Variants in MDGA2 observed in about 807,000 individuals in gnomAD.
MDGA2 encodes the protein MAM domain containing glycosylphosphatidylinositol anchor 2, also known as MAM domain-containing glycosylphosphatidylinositol anchor protein 2.
MDGA2 carries 40 observed loss-of-function variants against 117.8 expected under a neutral mutation model. The ratio of observed to expected loss-of-function variants is 0.34; its 90% confidence interval spans 0.26 to 0.44. The LOEUF (loss-of-function observed/expected upper bound fraction) is 0.44, where lower values mean the gene tolerates loss of function less well. Among genes scored for constraint, MDGA2 ranks in the 20% least tolerant of loss-of-function variants. The pLI is 1.00. For synonymous variants in MDGA2, 452 were observed against 439.0 expected, an observed-to-expected ratio of 1.03 and a Z score of -0.37; for missense variants, 1,123 against 1,250.6, an observed-to-expected ratio of 0.90 and a Z score of 1.54.
rs754861387 is a variant in MDGA2, at chr14:46,957,506, G to A, written c.1957C>T (p.Arg653Trp). ...YEWRLGNKLL[R>W]TGQFDSQEYT... ...TCCTGAGAGTCAAATTGACCCGTCC[G>A]TAATAATTTATTGCCCAAGCGCCAC... The change falls in exon 9 of 17, where the codon CGG becomes TGG. Residue 653 changes from arginine (R) to tryptophan (W), a missense_variant. Physicochemically the swap from Arg to Trp is moderately radical, Grantham distance 101. This residue lies in a region of MDGA2 where 890 missense variants were observed against 1,050.3 expected (regional missense o/e 0.85). Transcript: ENST00000399232. 56 of 1,613,948 alleles carry A rather than the reference G, an allele frequency of 3.5e-5. No individual in the cohort carries two copies. The highest frequency in any genetic ancestry group is 4.3e-5 in the Non-Finnish European group (51 of 1,180,020).
chr14:47,492,731 C>G (rs976332952), intron 1 of MDGA2, among the ~76,000 whole-genome samples: 1 of 152,052 alleles, frequency 6.6e-6, no homozygotes, highest in Non-Finnish European at 1.5e-5. Context: ...ATAGTTCAGT[C>G]TATAATATTA....
At chr14:47,472,552 G>A (rs943756249) in intron 1 of MDGA2, among the ~76,000 whole-genome samples, 3 of 152,150 alleles carry the variant, frequency 2.0e-5, no homozygotes, top group East Asian at 1.9e-4. Context: ...CTGCTTCCAC[G>A]ACAAGGTAAT....
chr14:47,564,187 T>C (rs764069559), intron 1 of MDGA2, among the ~76,000 whole-genome samples: 39 of 152,202 alleles, frequency 2.6e-4, no homozygotes, highest in Non-Finnish European at 4.7e-4. Flanking sequence ...CTTTAACATT[T>C]TTTCTTTCAC....
chr14:47,335,653 AATAC>A (rs1387270299), intron 1 of MDGA2, among the ~76,000 whole-genome samples: 53 of 149,190 alleles, frequency 3.6e-4, no homozygotes, highest in African/African-American at 1.2e-3. Flanking sequence ...ATCTTACATA[AATAC>A]ATATAGGTGT....
At chr14:46,866,159 A>C (rs569919729) in intron 14 of MDGA2, among the ~76,000 whole-genome samples, 5,429 of 152,166 alleles carry the variant, frequency 0.036, 325 homozygotes, top group African/African-American at 0.12. Context: ...AGGCTACAGT[A>C]ACCAAAACAG....
At chr14:47,271,244 T>C (rs1888134561) in intron 2 of MDGA2, among the ~76,000 whole-genome samples, 1 of 152,162 alleles carries the variant, frequency 6.6e-6, no homozygotes, top group South Asian at 2.1e-4. Flanking sequence ...ATTCCTTCTT[T>C]TTATTTTTAA....
intron 1 of MDGA2, among the ~76,000 whole-genome samples, chr14:47,330,277 A>C (rs1170086071): frequency 6.6e-6 from 1 of 151,952 alleles, no homozygotes; most frequent in Non-Finnish European, 1.5e-5. Context: ...CATTTCAAGA[A>C]TTATTATTCC....
intron 9 of MDGA2, among the ~76,000 whole-genome samples, chr14:46,931,084 A>G (rs1190658150): frequency 5.9e-5 from 9 of 151,804 alleles, no homozygotes. Flanking sequence ...GCATGGTGGC[A>G]CGCACCTGTA....
In MDGA2 at chr14:47,553,910, G is replaced by T. The variant is rs180847028; in HGVS notation, c.280+120607C>A. Reference sequence around the variant, plus strand: ...CTAATAGCTAAGTCACAGGTGAAATGAAATGAAGCATTCTGTTTATTTTTC... The same window carrying T: ...CTAATAGCTAAGTCACAGGTGAAATTAAATGAAGCATTCTGTTTATTTTTC... On this transcript the variant is annotated intron_variant, in intron 1 of 16. Transcript: ENST00000399232. 7.2e-5 allele frequency among the ~76,000 whole-genome samples: 11 copies of T among 152,308 alleles called. No individual in the cohort carries two copies. In the East Asian group the frequency reaches 2.1e-3, roughly 29 times the overall value.
At chr14:46,964,736 T>C (rs113520899) in intron 8 of MDGA2, among the ~76,000 whole-genome samples, 8,146 of 152,206 alleles carry the variant, frequency 0.054, 333 homozygotes, top group Admixed American at 0.11. Flanking sequence ...TACAGTCAAA[T>C]ACTAATAAGT....
intron 1 of MDGA2, among the ~76,000 whole-genome samples, chr14:47,518,020 G>A (rs565679996): frequency 3.3e-5 from 5 of 152,234 alleles, no homozygotes; most frequent in Admixed American, 2.6e-4. Context: ...TGGTCATGGG[G>A]GTGGTTATGT....
chr14:47,348,179 GT>G lies in MDGA2; in HGVS notation c.281-46630del, dbSNP rs1423176105. 6.0e-5 allele frequency among the ~76,000 whole-genome samples: 9 copies of G among 151,102 alleles called. No individual in the cohort carries two copies. In the South Asian group the frequency reaches 1.9e-3, roughly 32 times the overall value. ...TCTCTCTCTGTATATGTGTGTGTGT[GT>G]GTGTGTGTGTGTGTGCTTAAAATAG... On this transcript the variant is annotated intron_variant, in intron 1 of 16. Transcript: ENST00000399232.
chr14:47,074,892 T>C (rs1195813174), intron 6 of MDGA2, among the ~76,000 whole-genome samples: 1 of 152,176 alleles, frequency 6.6e-6, no homozygotes, highest in East Asian at 1.9e-4. Flanking sequence ...TTATTTCCCA[T>C]TGTCCGCTCG....
intron 8 of MDGA2, among the ~76,000 whole-genome samples, chr14:46,994,503 G>A (rs1349418496): frequency 1.1e-5 from 1 of 87,112 alleles, no homozygotes; most frequent in Non-Finnish European, 2.3e-5. Context: ...AGGCAAACAT[G>A]CACACATACA....
At chr14:47,079,559 T>C (rs1358078132) in intron 6 of MDGA2, among the ~76,000 whole-genome samples, 2 of 152,060 alleles carry the variant, frequency 1.3e-5, no homozygotes, top group Non-Finnish European at 2.9e-5. Context: ...AAAATTTTAG[T>C]GATAAGAATA....
chr14:47,038,823 T>C (rs1371013828), intron 7 of MDGA2, among the ~76,000 whole-genome samples: 1 of 150,684 alleles, frequency 6.6e-6, no homozygotes, highest in Non-Finnish European at 1.5e-5. Context: ...GCGCCTGGAG[T>C]CCTAGCTACT....
intron 8 of MDGA2, among the ~76,000 whole-genome samples, chr14:46,987,367 C>T (rs752100685): frequency 6.6e-6 from 1 of 151,934 alleles, no homozygotes; most frequent in African/African-American, 2.4e-5. Context: ...ACTGAGAATT[C>T]GACACAAAAA....
intron 1 of MDGA2, among the ~76,000 whole-genome samples, chr14:47,601,533 G>A (rs1252592102): frequency 6.6e-6 from 1 of 152,102 alleles, no homozygotes; most frequent in South Asian, 2.1e-4. Context: ...TGTTACTAGT[G>A]TAGGATAAAA....
At chr14:47,574,801 A>G (rs1346369841) in intron 1 of MDGA2, among the ~76,000 whole-genome samples, 1 of 152,202 alleles carries the variant, frequency 6.6e-6, no homozygotes, top group South Asian at 2.1e-4. Context: ...CTGAGGCACT[A>G]AAGAGCAAAT....
Sources: allele counts gnomAD v4.1 joint callset (sites outside exome capture counted in the v4.1 genomes callset), GRCh38; gene constraint gnomAD v4.1.1; regional missense constraint gnomAD v4.1.1; transcripts MANE v1.5; gene names NCBI Gene and HGNC (gene_info 2026-07-23, HGNC 2026-07-21).